SLMAP: variants seen among roughly 807,000 people sequenced by gnomAD.
SLMAP encodes the protein sarcolemmal membrane-associated protein.
Under a neutral mutation model 128.8 loss-of-function variants are expected in SLMAP, and 44 were observed. The ratio of observed to expected loss-of-function variants is 0.34; its 90% CI spans 0.27 to 0.44. SLMAP has a LOEUF of 0.44. SLMAP is among the 20% of genes least tolerant of loss of function. The pLI, the probability that SLMAP is intolerant of heterozygous loss-of-function variation, is 1.00. For synonymous variants in SLMAP, 327 were observed against 348.8 expected, an observed-to-expected ratio of 0.94 and a Z score of 0.70; for missense variants, 787 against 985.3, an observed-to-expected ratio of 0.80 and a Z score of 2.69.
intron 2 of SLMAP, among the ~76,000 whole-genome samples, chr3:57,797,666 A>G (rs1031792598): frequency 1.3e-5 from 2 of 152,210 alleles, no homozygotes. Context: ...GAAAAACAAA[A>G]TAAATTATTT....
intron 18 of SLMAP, 32 bp from the exon 19 acceptor site, chr3:57,909,044 A>G: frequency 6.8e-7 from 1 of 1,460,210 alleles, no homozygotes; most frequent in Non-Finnish European, 9.5e-7. Flanking sequence ...AATTCACAAA[A>G]CTATTAATAG....
chr3:57,855,711 T>TAAAAAAAAA (rs562768502), intron 6 of SLMAP, among the ~76,000 whole-genome samples: 1 of 110,856 alleles, frequency 9.0e-6, no homozygotes, highest in Non-Finnish European at 1.8e-5. Context: ...CCCCATCTGT[T>TAAAAAAAAA]AAAAAAAAAA....
intron 6 of SLMAP, among the ~76,000 whole-genome samples, chr3:57,852,307 T>C (rs1197122914): frequency 6.6e-6 from 1 of 152,214 alleles, no homozygotes; most frequent in East Asian, 1.9e-4. Context: ...TATCAATGTA[T>C]TAATCAGATC....
intron 17 of SLMAP, among the ~76,000 whole-genome samples, chr3:57,903,012 G>C (rs1350341440): frequency 1.3e-5 from 2 of 152,174 alleles, no homozygotes; most frequent in Non-Finnish European, 2.9e-5. Flanking sequence ...TGACCTGAGA[G>C]ATACAGAGAT....
intron 2 of SLMAP, among the ~76,000 whole-genome samples, chr3:57,780,741 T>C (rs2082866804): frequency 6.6e-6 from 1 of 152,050 alleles, no homozygotes. Flanking sequence ...TTTCTTGGGC[T>C]CAAGCGATCT....
At chr3:57,841,238 G>T (rs1413603317) in intron 3 of SLMAP, 61 bp from the exon 4 acceptor site, 19 of 949,738 alleles carry the variant, frequency 2.0e-5, no homozygotes, top group Non-Finnish European at 2.8e-5. Flanking sequence ...CATATGAGAG[G>T]TGTGAAGTTT....
intron 17 of SLMAP, among the ~76,000 whole-genome samples, chr3:57,907,291 T>C (rs1006891028): frequency 6.6e-6 from 1 of 152,144 alleles, no homozygotes; most frequent in Non-Finnish European, 1.5e-5. Context: ...CCTCCCAAAG[T>C]GCTGGGATTA....
intron 2 of SLMAP, among the ~76,000 whole-genome samples, chr3:57,803,084 A>G (rs2088950401): frequency 6.6e-6 from 1 of 152,226 alleles, no homozygotes; most frequent in Non-Finnish European, 1.5e-5. Context: ...TTATTGGTAG[A>G]TGAGCAACTA....
chr3:57,817,737 C>G (rs1424711854), intron 2 of SLMAP, among the ~76,000 whole-genome samples: 1 of 152,180 alleles, frequency 6.6e-6, no homozygotes, highest in East Asian at 1.9e-4. Context: ...CTAGCATGAG[C>G]AAAAGCTAGT....
In SLMAP at chr3:57,757,802, C is replaced by T. The variant is rs746438603; in HGVS notation, c.151C>T (p.Leu51=). ...TAATGCCACTTTTGATTGCAAAGTG[C>T]TATCAAGGAACCACGCTCTCGTCTG... is the stretch of plus-strand genomic sequence containing the variant. ...QNNATFDCKV[L]SRNHALVWFD... is the part of the protein sequence containing the mutation. Residue 51 remains leucine, a synonymous_variant, in exon 2 of 25, where the codon CTA becomes TTA. Coordinates refer to ENST00000671191, the MANE Select transcript of SLMAP (RefSeq NM_001377540.1). 11 of 1,614,178 alleles carry T rather than the reference C, an allele frequency of 6.8e-6. No homozygotes were observed. In the Admixed American group the frequency reaches 1.7e-4, roughly 24 times the overall value.
At chr3:57,871,547 G>T (rs2095479580) in intron 13 of SLMAP, 89 bp from the exon 14 acceptor site, 1 of 921,884 alleles carries the variant, frequency 1.1e-6, no homozygotes, top group East Asian at 2.4e-5. Context: ...TAGTACCCAT[G>T]TTAATACTTT....
intron 2 of SLMAP, among the ~76,000 whole-genome samples, chr3:57,797,056 C>G (rs1002693637): frequency 1.3e-5 from 2 of 151,442 alleles, no homozygotes; most frequent in African/African-American, 2.4e-5. Context: ...GTGGCATGTG[C>G]CTATAGTCCC....
chr3:57,908,209 C>CT (rs1275066941), intron 18 of SLMAP, among the ~76,000 whole-genome samples: 2 of 152,198 alleles, frequency 1.3e-5, no homozygotes, highest in African/African-American at 4.8e-5. Flanking sequence ...TACCTTCACA[C>CT]TGTTGATGTG....
chr3:57,805,140 T>C (rs545363061), intron 2 of SLMAP, among the ~76,000 whole-genome samples: 17 of 152,212 alleles, frequency 1.1e-4, no homozygotes, highest in Non-Finnish European at 2.4e-4. Context: ...GATTTTCCTT[T>C]TACCTTTTTG....
chr3:57,782,889 C>G (rs78422637), intron 2 of SLMAP, among the ~76,000 whole-genome samples: 1 of 152,150 alleles, frequency 6.6e-6, no homozygotes, highest in Non-Finnish European at 1.5e-5. Context: ...TCCTGCCTTT[C>G]CATGTTCTGC....
At chr3:57,925,778 G>A (rs1171708382) in intron 23 of SLMAP, 67 bp from the exon 24 acceptor site, 1 of 1,114,400 alleles carries the variant, frequency 9.0e-7, no homozygotes, top group Non-Finnish European at 1.3e-6. Context: ...CCCTACTGGG[G>A]TCTGAATCCT....
At chr3:57,912,812 TATAAA>T in intron 20 of SLMAP, 111 bp downstream of exon 20, 1 of 722,756 alleles carries the variant, frequency 1.4e-6, no homozygotes, top group African/African-American at 1.8e-5. Flanking sequence ...CTATCAGTTG[TATAAA>T]CCAATGTTTT....
Position 57,849,828 on chromosome 3 carries a change from T to G in SLMAP, c.519+12T>G. ...CTCAGTATCTACAGGTAAAAGTACA[T>G]CTTGAGACTTCTTAAAAGCAGAATT... is the stretch of plus-strand genomic sequence containing the variant. On this transcript the variant is annotated intron_variant, in intron 6 of 24. Coordinates refer to ENST00000671191, the MANE Select transcript of SLMAP (RefSeq NM_001377540.1). 1 of 1,368,696 alleles carries G rather than the reference T, an allele frequency of 7.3e-7. No homozygotes were observed. Among genetic ancestry groups the G allele is most frequent in the Non-Finnish European group, 1.0e-6 (1 of 956,756 alleles). The allele number at this position is 1,368,696 out of a possible 1,614,324, so 84.8% of individuals were successfully genotyped here. A position where few individuals can be genotyped will look rare whatever the true frequency, so the allele number is the denominator to read the frequency against.
chr3:57,847,979 A>G (rs550073502), intron 5 of SLMAP, among the ~76,000 whole-genome samples: 2 of 152,326 alleles, frequency 1.3e-5, no homozygotes, highest in African/African-American at 2.4e-5. Flanking sequence ...TCAGAAGTAA[A>G]TAATGGTCCT....
Sources: allele counts gnomAD v4.1 joint callset (sites outside exome capture counted in the v4.1 genomes callset), GRCh38; gene constraint gnomAD v4.1.1; transcripts MANE v1.5; gene names NCBI Gene and HGNC (gene_info 2026-07-23, HGNC 2026-07-21).